The following MAB21L4 variants were observed in gnomAD, a reference collection of about 807,000 sequenced individuals.
The protein encoded by MAB21L4 is protein mab-21-like 4.
MAB21L4 carries 25 observed loss-of-function variants against 32.4 expected under a neutral mutation model. The observed-to-expected ratio is 0.77, with a 90% CI of 0.56 to 1.08. The LOEUF (loss-of-function observed/expected upper bound fraction) is 1.08. MAB21L4 is among the 50% of genes least tolerant of loss of function. The pLI, the probability that MAB21L4 is intolerant of heterozygous loss-of-function variation, is 0.00. For missense variants in MAB21L4, 638 were observed against 611.0 expected, an observed-to-expected ratio of 1.04 and a Z score of -0.47; for synonymous variants, 280 against 276.8, an observed-to-expected ratio of 1.01 and a Z score of -0.11.
chr2:240,888,610 G>A lies in MAB21L4; in HGVS notation c.933C>T (p.Pro311=), dbSNP rs752651036. 1.2e-5 allele frequency: 19 copies of A among 1,599,720 alleles called. No individual in the cohort carries two copies. Among genetic ancestry groups the A allele is most frequent in the East Asian group, 4.5e-5 (2 of 44,444 alleles). Reference sequence around the variant, plus strand: ...CGCCCTGCAGTTCTGCCCAGTCCTCGGGCGCCAGGAAGAGCACAGAGGCCC... The same window carrying A: ...CGCCCTGCAGTTCTGCCCAGTCCTCAGGCGCCAGGAAGAGCACAGAGGCCC... ...LLWASVLFLA[P]EDWAELQGAV... The change falls in exon 4 of 5, where the codon CCC becomes CCT. Residue 311 remains proline (P), a synonymous_variant. Transcript: ENST00000388934.
intron 3 of MAB21L4, 50 bp from the exon 4 acceptor site, chr2:240,888,698 C>G: frequency 7.4e-7 from 1 of 1,351,778 alleles, no homozygotes; most frequent in Non-Finnish European, 9.8e-7. Flanking sequence ...CCGGCCCACC[C>G]TGTGCTCCCA....
At chr2:240,892,075 G>A in intron 1 of MAB21L4, 10 of 1,442,328 alleles carry the variant, frequency 6.9e-6, no homozygotes, top group Non-Finnish European at 9.1e-6. Flanking sequence ...CCTTTGCCAG[G>A]CACCACCCTC....
Position 240,888,610 on chromosome 2 carries a change from G to C in MAB21L4, c.933C>G (p.Pro311=). 1 of 1,599,838 alleles carries C rather than the reference G, an allele frequency of 6.3e-7. No individual in the cohort carries two copies. The highest frequency in any genetic ancestry group is 1.3e-5 in the African/African-American group (1 of 74,498). Residue 311 remains proline, a synonymous_variant, in exon 4 of 5, where the codon CCC becomes CCG. Coordinates refer to ENST00000388934, the MANE Select transcript of MAB21L4 (RefSeq NM_001085437.3). ...CGCCCTGCAGTTCTGCCCAGTCCTC[G>C]GGCGCCAGGAAGAGCACAGAGGCCC... The part of the protein sequence containing the change: ...LLWASVLFLA[P]EDWAELQGAV...
intron 2 of MAB21L4, 127 bp from the exon 3 acceptor site, chr2:240,890,285 C>A: frequency 1.7e-6 from 2 of 1,187,100 alleles, no homozygotes; most frequent in East Asian, 2.6e-5. Flanking sequence ...TGGTGGGACC[C>A]AGCCGGAACC....
intron 1 of MAB21L4, 47 bp from the exon 2 acceptor site, chr2:240,891,810 C>G (rs1194248596): frequency 6.2e-7 from 1 of 1,602,894 alleles, no homozygotes; most frequent in Non-Finnish European, 8.5e-7. Flanking sequence ...CCTCACCTGC[C>G]CAGGACACTC....
Position 240,886,086 on chromosome 2 carries a change from G to T in MAB21L4, c.*984C>A. On this transcript the variant is annotated 3_prime_UTR_variant, in exon 5 of 5. Transcript: ENST00000388934. Reference sequence around the variant, plus strand: ...GGTTTAATTGACTCACAGTCCCGCAGGCTATACAGGAAGCATGGCTGGGAG... The same window carrying T: ...GGTTTAATTGACTCACAGTCCCGCATGCTATACAGGAAGCATGGCTGGGAG... 6.5e-6 allele frequency: 1 copy of T among 153,604 alleles called. No individual in the cohort carries two copies. The highest frequency in any genetic ancestry group is 1.4e-5 in the Non-Finnish European group (1 of 69,062). 9.5% of individuals were successfully genotyped at this position (153,604 alleles called of 1,614,324 possible).
At position 240,889,967 on chromosome 2, in the gene MAB21L4, C is replaced by T. The variant is rs1432450438; in HGVS notation, c.894+38G>A. ...GCCTGGGTGCACCTACCCCTGGGCC[C>T]TGGTGACAGACAACCCGCCGAGTCC... On this transcript the variant is annotated intron_variant, in intron 3 of 4. Coordinates refer to ENST00000388934, the MANE Select transcript of MAB21L4 (RefSeq NM_001085437.3). 3 of 1,580,156 alleles carry T rather than the reference C, an allele frequency of 1.9e-6. No homozygotes were observed. The Admixed American group carries it at 5.1e-5, about 27-fold the overall frequency.
rs375934428 is a variant in MAB21L4 at position 240,888,141 on chromosome 2, C to T, written c.1251+151G>A. 3.3e-4 allele frequency: 211 copies of T among 646,586 alleles called. No homozygotes were observed. The African/African-American group carries it at 3.5e-3, about 11-fold the overall frequency. The allele number at this position is 646,586 out of a possible 1,614,324, so 40.1% of individuals were successfully genotyped here. The stretch of plus-strand genomic sequence containing the variant: ...GTGTGACCCCCAGACATCACATGTC[C>T]CCGCAGACGCTCTCCATCCGAGCCC... On this transcript the variant is annotated intron_variant, in intron 4 of 4. Transcript: ENST00000388934.
At chr2:240,894,068 C>A (rs914147906) in intron 1 of MAB21L4, among the ~76,000 whole-genome samples, 1 of 151,910 alleles carries the variant, frequency 6.6e-6, no homozygotes, top group East Asian at 1.9e-4. Context: ...ACCCTCCTGG[C>A]CTCCCAGCAT....
chr2:240,887,225 A>G, intron 4 of MAB21L4, 63 bp from the exon 5 acceptor site: 4 of 1,351,682 alleles, frequency 3.0e-6, no homozygotes, highest in Non-Finnish European at 4.2e-6. Context: ...ATAAGCTCTC[A>G]GGGCCGAGAG....
Position 240,888,668 on chromosome 2 carries a change from GCCCTGGCCTCCTGGC to G in MAB21L4, c.895-35_895-21del. 6.7e-7 allele frequency: 1 copy of G among 1,489,892 alleles called. No individual in the cohort carries two copies. Among genetic ancestry groups the G allele is most frequent in the Non-Finnish European group, 8.9e-7 (1 of 1,117,876 alleles). The allele number at this position is 1,489,892 out of a possible 1,614,324, so 92.3% of individuals were successfully genotyped here. On this transcript the variant is annotated intron_variant, in intron 3 of 4. Transcript: ENST00000388934. ...CACCATCTGCAGGACAGCAGGGTCA[GCCCTGGCCTCCTGGC>G]CCACCCGGCCCACCCTGTGCTCCCA... is the stretch of plus-strand genomic sequence containing the variant.
Position 240,887,143 on chromosome 2 carries a change from T to C in MAB21L4, c.1271A>G (p.Gln424Arg). 1 of 1,614,090 alleles carries C rather than the reference T, an allele frequency of 6.2e-7. No individual in the cohort carries two copies. The highest frequency in any genetic ancestry group is 8.5e-7 in the Non-Finnish European group (1 of 1,179,958). ...LLDKFQVFNIQDKDRISAMQS... is the reference protein window; with the variant it reads ...LLDKFQVFNIRDKDRISAMQS... ...CATGGCAGAGATCCGGTCCTTATCC[T>C]GGATGTTGAAGACCTGGAACTACAG... The change falls in exon 5 of 5, where the codon CAG becomes CGG. Residue 424 changes from glutamine to arginine, a missense_variant. Physicochemically the swap from Gln to Arg is conservative, Grantham distance 43. Transcript: ENST00000388934.
At chr2:240,892,082 C>T in intron 1 of MAB21L4, 2 of 1,438,600 alleles carry the variant, frequency 1.4e-6, no homozygotes, top group East Asian at 5.0e-5. Flanking sequence ...CAGGCACCAC[C>T]CTCACCCCAC....
chr2:240,896,305 C>T (rs1426530676), upstream of MAB21L4: 4 of 469,624 alleles, frequency 8.5e-6, no homozygotes, highest in Non-Finnish European at 1.3e-5. Flanking sequence ...AGAGCTCTCT[C>T]ATCTTAGGCC....
chr2:240,891,998 T>C lies in MAB21L4; in HGVS notation c.515-235A>G. ...CATGCCTGCCCAATGGTGACAGTCCTCGGCACAACTGTCAGCTCAGCGACT... is the reference window on the plus strand; with the variant it reads ...CATGCCTGCCCAATGGTGACAGTCCCCGGCACAACTGTCAGCTCAGCGACT... On this transcript the variant is annotated intron_variant, in intron 1 of 4. Coordinates refer to ENST00000388934, the MANE Select transcript of MAB21L4 (RefSeq NM_001085437.3). 6 of 1,517,546 alleles carry C rather than the reference T, an allele frequency of 4.0e-6. No homozygotes were observed. In the South Asian group the frequency reaches 7.4e-5, roughly 19 times the overall value. 94.0% of individuals were successfully genotyped at this position (1,517,546 alleles called of 1,614,324 possible).
chr2:240,889,626 C>T (rs1220518514), intron 3 of MAB21L4, among the ~76,000 whole-genome samples: 10 of 152,224 alleles, frequency 6.6e-5, no homozygotes. Context: ...TGGGAACCCC[C>T]AGAGGGAGGT....
At chr2:240,896,453 C>T (rs1035735658), upstream of MAB21L4, among the ~76,000 whole-genome samples, 5 of 152,140 alleles carry the variant, frequency 3.3e-5, no homozygotes, top group Non-Finnish European at 5.9e-5. Flanking sequence ...GCCCAGGGGC[C>T]GGGTATCTGG....
chr2:240,887,352 C>T (rs184754858), intron 4 of MAB21L4, among the ~76,000 whole-genome samples, 190 bp from the exon 5 acceptor site: 51 of 152,370 alleles, frequency 3.3e-4, no homozygotes, highest in Non-Finnish European at 6.8e-4. Flanking sequence ...TCCCTGAGCC[C>T]CTCCTCACAC....
At chr2:240,894,676 A>T (rs2059175097) in intron 1 of MAB21L4, among the ~76,000 whole-genome samples, 1 of 152,184 alleles carries the variant, frequency 6.6e-6, no homozygotes, top group Non-Finnish European at 1.5e-5. Context: ...GTGGTAGCCC[A>T]TGCCTGTAAT....
Sources: allele counts gnomAD v4.1 joint callset (sites outside exome capture counted in the v4.1 genomes callset), GRCh38; gene constraint gnomAD v4.1.1; transcripts MANE v1.5; gene names NCBI Gene and HGNC (gene_info 2026-07-23, HGNC 2026-07-21).